The following ATP6V1B1 variants were observed in gnomAD, a reference collection of about 807,000 sequenced individuals.
ATP6V1B1 encodes ATPase H+ transporting V1 subunit B1, also known as V-type proton ATPase subunit B, kidney isoform.
In ATP6V1B1, 41 loss-of-function variants were observed where a neutral mutation model predicts 62.1. That is an observed-to-expected ratio of 0.66 (90% CI 0.51 to 0.86). The LOEUF (loss-of-function observed/expected upper bound fraction) is 0.86. Among genes scored for constraint, ATP6V1B1 ranks in the 40% least tolerant of loss-of-function variants. The pLI is 0.00. For missense variants in ATP6V1B1, 651 were observed against 697.5 expected, an observed-to-expected ratio of 0.93 and a Z score of 0.75; for synonymous variants, 253 against 273.4, an observed-to-expected ratio of 0.93 and a Z score of 0.74.
Position 70,964,969 on chromosome 2 carries a change from A to T in ATP6V1B1, c.1390A>T (p.Asn464Tyr). ...KNFINQGPYE[N>Y]RSVFESLDLG... is the part of the protein sequence containing the mutation. ...CGCTCTGTCCCTAGGCCCCTACGAG[A>T]ACCGCTCGGTGTTCGAGTCGCTGGA... Residue 464 changes from asparagine to tyrosine, a missense_variant, in exon 14 of 14, where the codon AAC (asparagine) becomes TAC (tyrosine). Coordinates refer to ENST00000234396, the MANE Select transcript of ATP6V1B1 (RefSeq NM_001692.4). 1 of 1,613,958 alleles carries T rather than the reference A, an allele frequency of 6.2e-7. No individual in the cohort carries two copies. The highest frequency in any genetic ancestry group is 8.5e-7 in the Non-Finnish European group (1 of 1,180,022).
chr2:70,953,810 A>C (rs10167366), intron 2 of ATP6V1B1, among the ~76,000 whole-genome samples: 13,327 of 152,266 alleles, frequency 0.088, 632 homozygotes, highest in South Asian at 0.17. Context: ...TGGTAAAACT[A>C]TCTGGGATTG....
At chr2:70,938,329 C>A (rs1465336818) in intron 1 of ATP6V1B1, among the ~76,000 whole-genome samples, 2 of 152,092 alleles carry the variant, frequency 1.3e-5, no homozygotes, top group Non-Finnish European at 2.9e-5. Context: ...TTTAGGGCTG[C>A]ACCCTCAGTA....
At position 70,953,305 on chromosome 2, in the gene ATP6V1B1, A is replaced by G. The variant is rs77725650; in HGVS notation, c.175-4741A>G. Among the ~76,000 whole-genome samples the G allele has an allele frequency of 1.9e-3, 287 of 152,252 alleles. 4 individuals are homozygous for G. Among genetic ancestry groups the G allele is most frequent in the Middle Eastern group, 0.014 (4 of 294 alleles). Reference sequence around the variant, plus strand: ...TGAGGATATTCTTTTTGGAGTTAAGAAATTTCCCTTTTATTTCCTGTTTTC... The same window carrying G: ...TGAGGATATTCTTTTTGGAGTTAAGGAATTTCCCTTTTATTTCCTGTTTTC... On this transcript the variant is annotated intron_variant, in intron 2 of 13. Transcript: ENST00000234396.
In ATP6V1B1 at chr2:70,963,725, C is replaced by T; in HGVS notation, c.1143+71C>T. 1 of 1,537,502 alleles carries T rather than the reference C, an allele frequency of 6.5e-7. No homozygotes were observed. The highest frequency in any genetic ancestry group is 9.0e-7 in the Non-Finnish European group (1 of 1,113,740). On this transcript the variant is annotated intron_variant, in intron 11 of 13. Transcript: ENST00000234396. This position sits in a 1 kb window ranked among gnomAD's most constrained non-coding sequence, Gnocchi z 4.3. ...CACTGAGGAACAGATGTTTCACTGC[C>T]CCCAGGCATGAATTAGGAGGGGCCA...
Position 70,965,217 on chromosome 2 carries a change from G to T in ATP6V1B1, c.*96G>T. 6.6e-7 allele frequency: 1 copy of T among 1,518,748 alleles called. No individual in the cohort carries two copies. Among genetic ancestry groups the T allele is most frequent in the East Asian group, 2.3e-5 (1 of 42,680 alleles). The allele number at this position is 1,518,748 out of a possible 1,614,324, so 94.1% of individuals were successfully genotyped here. A position where few individuals can be genotyped will look rare whatever the true frequency, so the allele number is the denominator to read the frequency against. ...CACCCCAACCAGCGGCTTCTGCGCC[G>T]CCCTCCGCCCTCCGCTGGCTCCGAG... On this transcript the variant is annotated 3_prime_UTR_variant, in exon 14 of 14. Coordinates refer to ENST00000234396, the MANE Select transcript of ATP6V1B1 (RefSeq NM_001692.4).
At chr2:70,945,247 T>G (rs1680128490) in intron 2 of ATP6V1B1, among the ~76,000 whole-genome samples, 1 of 152,212 alleles carries the variant, frequency 6.6e-6, no homozygotes, top group South Asian at 2.1e-4. Flanking sequence ...TGTAATGTGG[T>G]ATGAAAATAT....
Position 70,959,887 on chromosome 2 carries a change from G to C in ATP6V1B1, c.446-52G>C. On this transcript the variant is annotated intron_variant, in intron 5 of 13. Transcript: ENST00000234396. The surrounding 1 kb of genome is among the most constrained non-coding windows in gnomAD (Gnocchi z 4.2). ...GAGTCTGGGGTCAGTGTCGAGGAGA[G>C]CAGGGAAGGGTTTGAACCCCTGAGC... 6.2e-7 allele frequency: 1 copy of C among 1,613,818 alleles called. No individual in the cohort carries two copies. Among genetic ancestry groups the C allele is most frequent in the East Asian group, 2.2e-5 (1 of 44,868 alleles).
At chr2:70,964,112 G>GTATTTTTTT in intron 11 of ATP6V1B1, 1 of 156,558 alleles carries the variant, frequency 6.4e-6, no homozygotes, top group Non-Finnish European at 1.1e-5. Flanking sequence ...TGCTTGGCAG[G>GTATTTTTTT]TATTTTTTTT....
At chr2:70,946,847 C>T (rs1244768713) in intron 2 of ATP6V1B1, among the ~76,000 whole-genome samples, 3 of 152,142 alleles carry the variant, frequency 2.0e-5, no homozygotes, top group Admixed American at 2.0e-4. Context: ...TAAAATGAGG[C>T]CGATCTAGGA....
chr2:70,944,033 C>T (rs1185962359), intron 2 of ATP6V1B1: 17 of 1,329,402 alleles, frequency 1.3e-5, no homozygotes, highest in Admixed American at 3.1e-5. Flanking sequence ...TACCTAACCT[C>T]CTCAGAGGAA....
intron 2 of ATP6V1B1, among the ~76,000 whole-genome samples, chr2:70,947,044 C>T (rs146770211): frequency 6.6e-6 from 1 of 152,324 alleles, no homozygotes; most frequent in Non-Finnish European, 1.5e-5. Flanking sequence ...CTTCTGCCCA[C>T]ATTGAATCAC....
Position 70,965,269 on chromosome 2 carries a change from C to T in ATP6V1B1, c.*148C>T, listed in dbSNP as rs1680699021. On this transcript the variant is annotated 3_prime_UTR_variant, in exon 14 of 14. Coordinates refer to ENST00000234396, the MANE Select transcript of ATP6V1B1 (RefSeq NM_001692.4). Reference sequence around the variant, plus strand: ...TGGTGGGGGCGCCGCACGCTCCATCCCTTTCCCTCGCTCGATTCCTTTTCC... The same window carrying T: ...TGGTGGGGGCGCCGCACGCTCCATCTCTTTCCCTCGCTCGATTCCTTTTCC... 8.9e-7 allele frequency: 1 copy of T among 1,128,192 alleles called. No homozygotes were observed. The highest frequency in any genetic ancestry group is 1.3e-6 in the Non-Finnish European group (1 of 799,586). 69.9% of individuals were successfully genotyped at this position (1,128,192 alleles called of 1,614,324 possible).
chr2:70,950,932 ATTTTTTTTTTTT>A (rs55871344), intron 2 of ATP6V1B1, among the ~76,000 whole-genome samples: 2 of 64,604 alleles, frequency 3.1e-5, no homozygotes, highest in African/African-American at 1.3e-4. Context: ...TTTTTTCCTG[ATTTTTTTTTTTT>A]TTTTTTTTTT....
intron 8 of ATP6V1B1, among the ~76,000 whole-genome samples, chr2:70,962,124 T>C (rs1405459820): frequency 1.3e-5 from 2 of 151,956 alleles, no homozygotes; most frequent in African/African-American, 4.8e-5. Context: ...AAGCAGATAA[T>C]AGAATTCTGG....
intron 2 of ATP6V1B1, among the ~76,000 whole-genome samples, chr2:70,949,868 TA>T (rs1466699893): frequency 6.6e-6 from 1 of 152,234 alleles, no homozygotes; most frequent in Non-Finnish European, 1.5e-5. Flanking sequence ...TATGATCAAA[TA>T]TTTTTTGTTT....
rs75628751 is a variant in ATP6V1B1 at position 70,948,089 on chromosome 2, C to G, written c.174+4376C>G. ...GCCTGAGTGTGAAAACCTGATGGCCCTTCCCCAGATCTGACCACAATTTCT... is the reference window on the plus strand; with the variant it reads ...GCCTGAGTGTGAAAACCTGATGGCCGTTCCCCAGATCTGACCACAATTTCT... On this transcript the variant is annotated intron_variant, in intron 2 of 13. Coordinates refer to ENST00000234396, the MANE Select transcript of ATP6V1B1 (RefSeq NM_001692.4). 2.5e-3 allele frequency: 386 copies of G among 152,446 alleles called. 1 individual carries two copies. Among genetic ancestry groups the G allele is most frequent in the Admixed American group, 6.3e-3 (96 of 15,302 alleles). 9.4% of individuals were successfully genotyped at this position (152,446 alleles called of 1,614,324 possible).
At chr2:70,950,111 A>G (rs1358296800) in intron 2 of ATP6V1B1, among the ~76,000 whole-genome samples, 1 of 152,196 alleles carries the variant, frequency 6.6e-6, no homozygotes, top group Non-Finnish European at 1.5e-5. Context: ...CTGAGAATTA[A>G]TTAATATACA....
chr2:70,941,450 C>G (rs782353950), intron 1 of ATP6V1B1: 162 of 983,554 alleles, frequency 1.6e-4, no homozygotes, highest in Non-Finnish European at 1.9e-4. Context: ...GGGGCTGGCA[C>G]CCCTTGACCC....
intron 1 of ATP6V1B1, chr2:70,943,280 C>G: frequency 2.3e-6 from 1 of 431,050 alleles, no homozygotes; most frequent in Non-Finnish European, 4.4e-6. Flanking sequence ...TTTTCGGCCA[C>G]AGCCGGGGGC....
Sources: gnomAD v4.1 joint callset for allele counts (sites outside exome capture counted in the v4.1 genomes callset) on GRCh38, gnomAD v4.1.1 for gene constraint, Gnocchi (gnomAD v3.1) non-coding constraint, MANE v1.5 for transcripts, NCBI Gene and HGNC (gene_info 2026-07-23, HGNC 2026-07-21) for gene names.